The following GABRG3 variants were observed in gnomAD, a reference collection of about 807,000 sequenced individuals.
GABRG3 encodes gamma-aminobutyric acid receptor subunit gamma-3.
Under a neutral mutation model 48.8 loss-of-function variants are expected in GABRG3, and 25 were observed. The ratio of observed to expected loss-of-function variants is 0.51; its 90% CI spans 0.37 to 0.72. GABRG3 has a LOEUF of 0.72. Among genes scored for constraint, GABRG3 ranks in the 30% least tolerant of loss-of-function variants. The probability of loss-of-function intolerance (pLI) is 0.00; values close to 1 mark genes in which losing one functional copy is unlikely to be tolerated. For missense variants in GABRG3, 394 were observed against 577.9 expected (o/e 0.68, Z 3.26); for synonymous variants, 227 against 217.6 (o/e 1.04, Z -0.38).
chr15:26,977,698 A>T, intron 2 of GABRG3, among the ~76,000 whole-genome samples: 1 of 152,198 alleles, frequency 6.6e-6, no homozygotes, highest in East Asian at 1.9e-4. Flanking sequence ...GTATGAGTGT[A>T]TCACAGCTTC....
At chr15:27,394,508 C>A (rs1170858982) in intron 5 of GABRG3, among the ~76,000 whole-genome samples, 1 of 151,506 alleles carries the variant, frequency 6.6e-6, no homozygotes, top group Non-Finnish European at 1.5e-5. Flanking sequence ...TTGGCATTGT[C>A]TTTTATATTT....
intron 9 of GABRG3, among the ~76,000 whole-genome samples, chr15:27,529,549 G>A (rs371458704): frequency 7.2e-5 from 11 of 152,116 alleles, no homozygotes; most frequent in Non-Finnish European, 1.3e-4. Flanking sequence ...CATATGCAGC[G>A]CACTTCCAGC....
intron 2 of GABRG3, among the ~76,000 whole-genome samples, chr15:26,998,307 T>A (rs950676755): frequency 4.6e-5 from 7 of 152,234 alleles, no homozygotes; most frequent in Non-Finnish European, 5.9e-5. Context: ...CTCCACACTT[T>A]GTTCCAAATG....
At chr15:27,243,803 A>G (rs1890197070) in intron 3 of GABRG3, among the ~76,000 whole-genome samples, 1 of 152,234 alleles carries the variant, frequency 6.6e-6, no homozygotes, top group South Asian at 2.1e-4. Flanking sequence ...TGCATGGCAG[A>G]AAATTTTAAG....
Position 27,149,727 on chromosome 15 carries a change from C to T in GABRG3, c.270+122906C>T, listed in dbSNP as rs200560557. Among the ~76,000 whole-genome samples the T allele has an allele frequency of 7.2e-5, 11 of 152,242 alleles. No homozygotes were observed. The East Asian group carries it at 1.7e-3, about 24-fold the overall frequency. ...ATCTCAGATTCTCTCGTAGAACCTC[C>T]GGAAGGAGCACAATCCTGCCAAAAC... On this transcript the variant is annotated intron_variant, in intron 3 of 9. Coordinates refer to ENST00000615808, the MANE Select transcript of GABRG3 (RefSeq NM_033223.5).
At chr15:26,992,521 A>T (rs1043529404) in intron 2 of GABRG3, among the ~76,000 whole-genome samples, 2 of 152,118 alleles carry the variant, frequency 1.3e-5, no homozygotes, top group African/African-American at 4.8e-5. Context: ...TATCACATTG[A>T]TTGATTTGTG....
At chr15:27,122,665 T>C (rs1897751575) in intron 3 of GABRG3, among the ~76,000 whole-genome samples, 1 of 152,226 alleles carries the variant, frequency 6.6e-6, no homozygotes, top group African/African-American at 2.4e-5. Flanking sequence ...AGAAGGTCAC[T>C]GCACTGCTCG....
chr15:27,428,793 G>A (rs1888366309), intron 5 of GABRG3, among the ~76,000 whole-genome samples: 1 of 152,100 alleles, frequency 6.6e-6, no homozygotes, highest in Non-Finnish European at 1.5e-5. Flanking sequence ...TGTCTTGAGT[G>A]AAAAAGCACA....
Position 27,527,618 on chromosome 15 carries a change from A to G in GABRG3, c.1051A>G (p.Lys351Glu). ...CTGTAGAAAACCAACCACCACGAAGAAGACAACATCGGTGAGCTGCAGTAG... is the reference window on the plus strand; with the variant it reads ...CTGTAGAAAACCAACCACCACGAAGGAGACAACATCGGTGAGCTGCAGTAG... ...SSCRKPTTTK[K>E]TTSLLHPDSS... Residue 351 changes from lysine (K) to glutamate (E), a missense_variant, in exon 8 of 10, where the codon AAG becomes GAG. Lys to Glu is a moderately conservative substitution (Grantham distance 56). Transcript: ENST00000615808. 6.2e-7 allele frequency: 1 copy of G among 1,609,644 alleles called. No homozygotes were observed. Among genetic ancestry groups the G allele is most frequent in the Non-Finnish European group, 8.5e-7 (1 of 1,177,702 alleles).
At chr15:27,308,370 T>A (rs1595664650) in intron 3 of GABRG3, among the ~76,000 whole-genome samples, 1 of 138,796 alleles carries the variant, frequency 7.2e-6, no homozygotes, top group African/African-American at 2.7e-5. Context: ...TATAAACATA[T>A]AAACATTTGT....
At chr15:27,191,817 G>GTC (rs1401896315) in intron 3 of GABRG3, among the ~76,000 whole-genome samples, 1 of 151,948 alleles carries the variant, frequency 6.6e-6, no homozygotes, top group African/African-American at 2.4e-5. Flanking sequence ...TTTCTTCCTA[G>GTC]TCTCGATGGT....
intron 3 of GABRG3, among the ~76,000 whole-genome samples, chr15:27,237,594 C>T (rs976198682): frequency 5.3e-5 from 8 of 152,172 alleles, no homozygotes; most frequent in Non-Finnish European, 7.3e-5. Context: ...AAGGTGACCA[C>T]GGCTACAAGA....
At chr15:27,190,669 A>G (rs945777235) in intron 3 of GABRG3, among the ~76,000 whole-genome samples, 30 of 152,040 alleles carry the variant, frequency 2.0e-4, no homozygotes, top group African/African-American at 7.0e-4. Flanking sequence ...GATCCTTTCA[A>G]AAAACCAGCT....
chr15:27,520,490 G>A (rs1340780590), intron 7 of GABRG3, among the ~76,000 whole-genome samples: 1 of 151,114 alleles, frequency 6.6e-6, no homozygotes, highest in Non-Finnish European at 1.5e-5. Flanking sequence ...GAGGACTGAA[G>A]ACATAGTATT....
At chr15:27,309,094 G>A (rs1315046377) in intron 3 of GABRG3, among the ~76,000 whole-genome samples, 2 of 150,620 alleles carry the variant, frequency 1.3e-5, no homozygotes, top group African/African-American at 4.9e-5. Context: ...GAAATATAAT[G>A]TAAACACAGA....
intron 3 of GABRG3, among the ~76,000 whole-genome samples, chr15:27,284,814 A>G (rs1029583456): frequency 2.0e-5 from 3 of 152,236 alleles, no homozygotes; most frequent in Admixed American, 2.0e-4. Flanking sequence ...AAACACTTGT[A>G]TCTGTGTTTC....
intron 3 of GABRG3, among the ~76,000 whole-genome samples, chr15:27,306,790 TATAA>T (rs967476160): frequency 1.9e-5 from 2 of 107,850 alleles, no homozygotes; most frequent in African/African-American, 3.9e-5. Context: ...CATGTTTATA[TATAA>T]ACATACAATA....
intron 6 of GABRG3, among the ~76,000 whole-genome samples, chr15:27,495,388 G>T (rs1266388162): frequency 6.6e-6 from 1 of 152,180 alleles, no homozygotes; most frequent in Non-Finnish European, 1.5e-5. Flanking sequence ...TATTTGAGAT[G>T]ATTCCACCTC....
At chr15:27,157,930 C>T (rs1429694350) in intron 3 of GABRG3, 1 of 152,190 alleles carries the variant, frequency 6.6e-6, no homozygotes, top group Non-Finnish European at 1.5e-5. Flanking sequence ...TCCATGGAAT[C>T]CTGCCTCACT....
Sources: allele counts gnomAD v4.1 joint callset (sites outside exome capture counted in the v4.1 genomes callset), GRCh38; gene constraint gnomAD v4.1.1; transcripts MANE v1.5; gene names NCBI Gene and HGNC (gene_info 2026-07-23, HGNC 2026-07-21).